The following TLN2 variants were observed in gnomAD, a reference collection of about 807,000 sequenced individuals.
TLN2 encodes the protein talin-2.
In TLN2, 118 loss-of-function variants were observed where a neutral mutation model predicts 294.7. The observed-to-expected ratio is 0.40, with a 90% CI of 0.34 to 0.47. The LOEUF (loss-of-function observed/expected upper bound fraction) is 0.47. TLN2 is among the 20% of genes least tolerant of loss of function. The probability of loss-of-function intolerance (pLI) is 0.84; values close to 1 mark genes in which losing one functional copy is unlikely to be tolerated. For missense variants in TLN2, 3,083 were observed against 3,282.2 expected, an observed-to-expected ratio of 0.94 and a Z score of 1.48; for synonymous variants, 1,431 against 1,304.5, an observed-to-expected ratio of 1.10 and a Z score of -2.09.
rs78729751 is a variant in TLN2 at position 62,808,488 on chromosome 15, G to T, written c.6664-1437G>T. Reference sequence around the variant, plus strand: ...TCCTTAGGCAAGATTCCTAGAAATAGAATTAGTGGGTCCAATAGTATAAGA... The same window carrying T: ...TCCTTAGGCAAGATTCCTAGAAATATAATTAGTGGGTCCAATAGTATAAGA... On this transcript the variant is annotated intron_variant, in intron 51 of 58. Transcript: ENST00000636159. 1.7e-3 allele frequency among the ~76,000 whole-genome samples: 252 copies of T among 152,320 alleles called. 1 individual carries two copies. The East Asian group carries it at 0.036, about 22-fold the overall frequency.
chr15:62,517,190 C>A (rs556370624), intron 1 of TLN2, among the ~76,000 whole-genome samples: 29 of 152,296 alleles, frequency 1.9e-4, no homozygotes, highest in African/African-American at 5.8e-4. Context: ...GCCTTGGAGT[C>A]CCCACTTTCT....
At chr15:62,670,605 C>A (rs1245168587) in intron 9 of TLN2, among the ~76,000 whole-genome samples, 2 of 152,198 alleles carry the variant, frequency 1.3e-5, no homozygotes, top group African/African-American at 4.8e-5. Context: ...TGACTGCCTT[C>A]TTTCCCTTAG....
chr15:62,830,311 C>T (rs2068682935), intron 54 of TLN2: 1 of 152,586 alleles, frequency 6.6e-6, no homozygotes, highest in Non-Finnish European at 1.5e-5. Flanking sequence ...ATGAGAGCTC[C>T]AGGAGAGGGC....
In TLN2 at chr15:62,655,980, AAGG is replaced by A. The variant is rs1434630682; in HGVS notation, c.557_559del (p.Gly186del). ...GATCACAGCCGAACATTCAGAGAAC[AAGG>A]AGTAGATGAAAACGAAACGTTGCTG... On this transcript the variant is annotated inframe_deletion, in exon 8 of 59. Transcript: ENST00000636159. 1.2e-6 allele frequency: 2 copies of A among 1,614,126 alleles called. No individual in the cohort carries two copies. Among genetic ancestry groups the A allele is most frequent in the Non-Finnish European group, 1.7e-6 (2 of 1,180,056 alleles).
intron 1 of TLN2, among the ~76,000 whole-genome samples, chr15:62,461,695 C>G (rs2036814055): frequency 1.3e-5 from 2 of 152,124 alleles, no homozygotes; most frequent in South Asian, 2.1e-4. Context: ...TGGATGGTCT[C>G]TAAAGAGTCG....
At chr15:62,580,342 C>A (rs2044825514) in intron 1 of TLN2, among the ~76,000 whole-genome samples, 1 of 152,098 alleles carries the variant, frequency 6.6e-6, no homozygotes, top group Non-Finnish European at 1.5e-5. Context: ...CCTATATTGA[C>A]AAATCATTAC....
At chr15:62,673,529 T>A (rs1358388783) in intron 9 of TLN2, among the ~76,000 whole-genome samples, 1 of 148,474 alleles carries the variant, frequency 6.7e-6, no homozygotes, top group Non-Finnish European at 1.5e-5. Flanking sequence ...TTCCTTTGTT[T>A]CTTACAAAAG....
chr15:62,473,408 G>A (rs1006648238), intron 1 of TLN2, among the ~76,000 whole-genome samples: 2 of 151,812 alleles, frequency 1.3e-5, no homozygotes, highest in African/African-American at 2.4e-5. Context: ...AAATGTAGGT[G>A]TAATTTAAAG....
chr15:62,740,892 G>A (rs913977613), intron 32 of TLN2, 123 bp downstream of exon 32: 6 of 1,278,652 alleles, frequency 4.7e-6, no homozygotes, highest in Non-Finnish European at 6.5e-6. Flanking sequence ...TAGGTCATGG[G>A]AGGTGGAGCT....
intron 11 of TLN2, among the ~76,000 whole-genome samples, chr15:62,678,193 G>A (rs2141019097): frequency 6.6e-6 from 1 of 152,132 alleles, no homozygotes; most frequent in East Asian, 1.9e-4. Context: ...GCTCACTCCA[G>A]TGTTTTGCTC....
chr15:62,471,404 G>A (rs763572356), intron 1 of TLN2, among the ~76,000 whole-genome samples: 2 of 152,186 alleles, frequency 1.3e-5, no homozygotes, highest in Non-Finnish European at 2.9e-5. Flanking sequence ...AGAAGCTTTA[G>A]GTCATATATG....
intron 1 of TLN2, among the ~76,000 whole-genome samples, chr15:62,477,134 G>A (rs1334635347): frequency 6.6e-6 from 1 of 152,194 alleles, no homozygotes; most frequent in Non-Finnish European, 1.5e-5. Flanking sequence ...TCAAGTAAAA[G>A]CCTAAGTAAA....
chr15:62,674,658 C>T (rs2055935984), intron 10 of TLN2, among the ~76,000 whole-genome samples: 1 of 151,874 alleles, frequency 6.6e-6, no homozygotes, highest in African/African-American at 2.4e-5. Flanking sequence ...TGTGCCACCA[C>T]ACATGGCTAA....
chr15:62,445,984 GTC>G (rs1245879437), intron 1 of TLN2, among the ~76,000 whole-genome samples: 6 of 149,522 alleles, frequency 4.0e-5, no homozygotes, highest in Non-Finnish European at 6.0e-5. Flanking sequence ...GAGCTCTGTA[GTC>G]TTTTTTTTTT....
At chr15:62,734,535 G>A (rs752878171) in intron 28 of TLN2, among the ~76,000 whole-genome samples, 3 of 152,194 alleles carry the variant, frequency 2.0e-5, no homozygotes, top group Non-Finnish European at 4.4e-5. Context: ...TGTGCCAAAA[G>A]CTTAAGCGTA....
intron 28 of TLN2, among the ~76,000 whole-genome samples, chr15:62,729,263 G>A (rs1237845482): frequency 2.0e-5 from 3 of 152,176 alleles, no homozygotes; most frequent in East Asian, 3.8e-4. Context: ...AAGTCTTAAT[G>A]TTTGGTAATG....
At chr15:62,808,893 G>T (rs1226610588) in intron 51 of TLN2, among the ~76,000 whole-genome samples, 4 of 152,232 alleles carry the variant, frequency 2.6e-5, no homozygotes, top group Admixed American at 6.5e-5. Flanking sequence ...CTGGGGGTAA[G>T]TCAAGGGGGG....
At chr15:62,823,990 GGTT>G (rs766742872) in intron 54 of TLN2, 1 of 530,764 alleles carries the variant, frequency 1.9e-6, no homozygotes, top group African/African-American at 1.9e-5. Flanking sequence ...TGATATATTA[GGTT>G]GTTATTTAAT....
At chr15:62,566,252 C>T (rs1207253255) in intron 1 of TLN2, among the ~76,000 whole-genome samples, 2 of 151,938 alleles carry the variant, frequency 1.3e-5, no homozygotes, top group Admixed American at 6.6e-5. Flanking sequence ...TACAGATGAG[C>T]GGGACATCAG....
Sources: gnomAD v4.1 joint callset for allele counts (sites outside exome capture counted in the v4.1 genomes callset) on GRCh38, gnomAD v4.1.1 for gene constraint, MANE v1.5 for transcripts, NCBI Gene and HGNC (gene_info 2026-07-23, HGNC 2026-07-21) for gene names.